PIK3R1: variants seen among roughly 807,000 people sequenced by gnomAD.
PIK3R1 encodes the protein phosphoinositide-3-kinase regulatory subunit 1.
In PIK3R1, 29 loss-of-function variants were observed where a neutral mutation model predicts 98.0. The observed-to-expected ratio is 0.30, with a 90% confidence interval of 0.22 to 0.40. The LOEUF (loss-of-function observed/expected upper bound fraction) is 0.40, where lower values mean the gene tolerates loss of function less well. Among genes scored for constraint, PIK3R1 ranks in the 10% least tolerant of loss-of-function variants. The pLI is 1.00. For synonymous variants in PIK3R1, 282 were observed against 311.8 expected (o/e 0.90, Z 1.01); for missense variants, 596 against 872.7 (o/e 0.68, Z 3.99).
At chr5:68,252,592 A>G (rs1013555712) in intron 2 of PIK3R1, among the ~76,000 whole-genome samples, 13 of 152,216 alleles carry the variant, frequency 8.5e-5, no homozygotes, top group African/African-American at 2.9e-4. Flanking sequence ...GAATTTCAAA[A>G]TTGTAGAAGT....
intron 2 of PIK3R1, among the ~76,000 whole-genome samples, chr5:68,268,342 C>T (rs1746205444): frequency 6.6e-6 from 1 of 152,038 alleles, no homozygotes; most frequent in East Asian, 1.9e-4. Flanking sequence ...AGTCAAAGAG[C>T]ACAGGCCATC....
At chr5:68,246,550 C>G (rs13154156) in intron 2 of PIK3R1, among the ~76,000 whole-genome samples, 31,377 of 152,112 alleles carry the variant, frequency 0.21, 3,357 homozygotes, top group South Asian at 0.24. Flanking sequence ...TGACCTCAAA[C>G]GGTCCATCCG....
At chr5:68,241,406 G>C (rs1328168861) in intron 2 of PIK3R1, among the ~76,000 whole-genome samples, 1 of 146,416 alleles carries the variant, frequency 6.8e-6, no homozygotes, top group Non-Finnish European at 1.5e-5. Flanking sequence ...TTTTTTTACA[G>C]TACTGTTTTT....
chr5:68,258,217 T>C (rs1745604228), intron 2 of PIK3R1, among the ~76,000 whole-genome samples: 1 of 152,128 alleles, frequency 6.6e-6, no homozygotes, highest in Admixed American at 6.5e-5. Flanking sequence ...GATGCTACCT[T>C]TTTAGTAGGA....
At chr5:68,253,168 A>G (rs1745383950) in intron 2 of PIK3R1, among the ~76,000 whole-genome samples, 1 of 152,152 alleles carries the variant, frequency 6.6e-6, no homozygotes, top group South Asian at 2.1e-4. Context: ...GAATTAATGC[A>G]TTGTGGTATT....
At chr5:68,281,107 G>T in intron 7 of PIK3R1, 101 bp downstream of exon 7, 1 of 719,700 alleles carries the variant, frequency 1.4e-6, no homozygotes. Flanking sequence ...AGCTTCTTAT[G>T]GAATTACAGT....
At chr5:68,232,753 T>G (rs1744529815) in intron 2 of PIK3R1, among the ~76,000 whole-genome samples, 1 of 152,266 alleles carries the variant, frequency 6.6e-6, no homozygotes, top group African/African-American at 2.4e-5. Flanking sequence ...GCTTCTGTTC[T>G]ATACACTTCT....
intron 14 of PIK3R1, chr5:68,295,763 G>C: frequency 2.0e-6 from 1 of 499,700 alleles, no homozygotes; most frequent in Non-Finnish European, 3.6e-6. Flanking sequence ...AAATATTTTT[G>C]GAACAGTCAG....
intron 2 of PIK3R1, among the ~76,000 whole-genome samples, chr5:68,254,745 G>A (rs1745444921): frequency 6.6e-6 from 1 of 152,002 alleles, no homozygotes; most frequent in Admixed American, 6.5e-5. Context: ...CTTAGTTATG[G>A]TTCATACCCA....
intron 2 of PIK3R1, among the ~76,000 whole-genome samples, chr5:68,231,155 A>G (rs977937212): frequency 2.0e-5 from 3 of 152,222 alleles, no homozygotes; most frequent in Non-Finnish European, 2.9e-5. Flanking sequence ...TTCTCAAGAC[A>G]GTGGTTTTAA....
At chr5:68,261,293 A>G (rs1745735029) in intron 2 of PIK3R1, among the ~76,000 whole-genome samples, 1 of 152,230 alleles carries the variant, frequency 6.6e-6, no homozygotes, top group Admixed American at 6.5e-5. Context: ...ACATCTAGTT[A>G]AACCATTACC....
In PIK3R1 at chr5:68,301,660, T is replaced by C. The variant is rs1748112655; in HGVS notation, c.*4059T>C. The C allele has an allele frequency of 7.5e-6, 1 of 132,938 alleles. No homozygotes were observed. Among genetic ancestry groups the C allele is most frequent in the Non-Finnish European group, 1.5e-5 (1 of 65,732 alleles). The allele number at this position is 132,938 out of a possible 1,614,324, so 8.2% of individuals were successfully genotyped here. On this transcript the variant is annotated 3_prime_UTR_variant, in exon 16 of 16. Coordinates refer to ENST00000521381, the MANE Select transcript of PIK3R1 (RefSeq NM_181523.3). ...AGAGGGAGGATGTCACGGTCAGTTG[T>C]AACTTTGCCTTCACAAGGCAACTGG... is the stretch of plus-strand genomic sequence containing the variant.
intron 5 of PIK3R1, 115 bp downstream of exon 5, chr5:68,279,848 C>T (rs980827833): frequency 6.6e-5 from 63 of 961,676 alleles, no homozygotes; most frequent in Non-Finnish European, 8.1e-5. Flanking sequence ...ATAACCTGTC[C>T]CTCCCCCAAC....
chr5:68,252,096 G>C (rs1228227021), intron 2 of PIK3R1, among the ~76,000 whole-genome samples: 1 of 152,146 alleles, frequency 6.6e-6, no homozygotes, highest in Admixed American at 6.5e-5. Context: ...AACTGGTCAA[G>C]AGCCCAGCAG....
At chr5:68,230,160 C>G (rs1158050313) in intron 2 of PIK3R1, among the ~76,000 whole-genome samples, 1 of 152,218 alleles carries the variant, frequency 6.6e-6, no homozygotes, top group Non-Finnish European at 1.5e-5. Context: ...CTTCTCTGCT[C>G]AAATCTTTCG....
chr5:68,280,972 C>A lies in PIK3R1; in HGVS notation c.882C>A (p.Ile294=). Residue 294 remains isoleucine, a synonymous_variant, in exon 7 of 16, where the codon ATC becomes ATA. Coordinates refer to ENST00000521381, the MANE Select transcript of PIK3R1 (RefSeq NM_181523.3). ...ENLIKVIEIL[I]STEWNERQPA... Reference sequence around the variant, plus strand: ...TCATAAAAGTTATAGAAATTTTAATCTCAACTGAATGGAATGAACGACAGC... The same window carrying A: ...TCATAAAAGTTATAGAAATTTTAATATCAACTGAATGGAATGAACGACAGC... The A allele has an allele frequency of 6.2e-7, 1 of 1,606,130 alleles. No individual in the cohort carries two copies. Among genetic ancestry groups the A allele is most frequent in the South Asian group, 1.1e-5 (1 of 89,900 alleles).
At chr5:68,258,167 G>A (rs1052762881) in intron 2 of PIK3R1, among the ~76,000 whole-genome samples, 1 of 152,202 alleles carries the variant, frequency 6.6e-6, no homozygotes, top group Non-Finnish European at 1.5e-5. Context: ...CTGACAGCAC[G>A]AGGTGCTAAA....
chr5:68,292,532 T>C, intron 8 of PIK3R1, 171 bp downstream of exon 8: 1 of 1,521,240 alleles, frequency 6.6e-7, no homozygotes, highest in Non-Finnish European at 8.8e-7. Flanking sequence ...CTGTGGGTGC[T>C]GGATGCCACA....
chr5:68,272,949 A>G (rs1052949802), intron 2 of PIK3R1, among the ~76,000 whole-genome samples: 1 of 152,168 alleles, frequency 6.6e-6, no homozygotes, highest in African/African-American at 2.4e-5. Flanking sequence ...ATTTCTTCCT[A>G]ATGACCAGGA....
Sources: gnomAD v4.1 joint callset for allele counts (sites outside exome capture counted in the v4.1 genomes callset) on GRCh38, gnomAD v4.1.1 for gene constraint, MANE v1.5 for transcripts, NCBI Gene and HGNC (gene_info 2026-07-23, HGNC 2026-07-21) for gene names.